Variants in RHEB observed in about 807,000 individuals in gnomAD.
RHEB encodes Ras homolog, mTORC1 binding, also known as GTP-binding protein Rheb.
Under a neutral mutation model 28.8 loss-of-function variants are expected in RHEB, and 2 were observed. The observed-to-expected ratio is 0.07, with a 90% confidence interval of 0.03 to 0.22. The LOEUF (loss-of-function observed/expected upper bound fraction) is 0.22. RHEB is among the 10% of genes least tolerant of loss of function. The probability of loss-of-function intolerance (pLI) is 1.00; values close to 1 mark genes in which losing one functional copy is unlikely to be tolerated. For missense variants in RHEB, 76 were observed against 219.9 expected (o/e 0.35, Z 4.14); for synonymous variants, 69 against 77.3 (o/e 0.89, Z 0.56).
intron 3 of RHEB, among the ~76,000 whole-genome samples, chr7:151,481,392 AC>A (rs147620763): frequency 6.6e-6 from 1 of 152,304 alleles, no homozygotes; most frequent in East Asian, 1.9e-4. Context: ...GTGCAATTTC[AC>A]TCCTGAAATG....
chr7:151,467,206 A>G lies in RHEB; in HGVS notation c.468T>C (p.Ala156=). The stretch of plus-strand genomic sequence containing the variant: ...AAATTATCCTTCGAAAAACATCCAC[A>G]GCAGTCTGAAAAGAGAAAGAAACCC... ...LESSAKENQT[A]VDVFRRIILE... is the part of the protein sequence containing the mutation. The change falls in exon 8 of 8, where the codon GCT becomes GCC. Residue 156 remains alanine (A), a synonymous_variant. Transcript: ENST00000262187. 3 of 1,611,082 alleles carry G rather than the reference A, an allele frequency of 1.9e-6. No homozygotes were observed. The highest frequency in any genetic ancestry group is 1.7e-6 in the Non-Finnish European group (2 of 1,177,282).
chr7:151,469,473 C>A (rs776376167), intron 7 of RHEB, among the ~76,000 whole-genome samples: 1 of 151,760 alleles, frequency 6.6e-6, no homozygotes, highest in African/African-American at 2.4e-5. Flanking sequence ...CGGAGAGGGG[C>A]GGGGCAGGGA....
chr7:151,467,242 T>A (rs773101365), intron 7 of RHEB, 31 bp from the exon 8 acceptor site: 9 of 1,494,778 alleles, frequency 6.0e-6, no homozygotes, highest in East Asian at 2.3e-5. Flanking sequence ...AATCACAGTG[T>A]TAGTGTGAAG....
intron 1 of RHEB, among the ~76,000 whole-genome samples, chr7:151,507,377 T>C (rs1802903213): frequency 6.6e-6 from 1 of 150,906 alleles, no homozygotes; most frequent in African/African-American, 2.4e-5. Flanking sequence ...GTATTGTGTG[T>C]GTCTATGTAT....
At position 151,492,385 on chromosome 7, in the gene RHEB, C is replaced by T. The variant is rs149487108; in HGVS notation, c.53-1371G>A. Among the ~76,000 whole-genome samples, 6 of 152,084 alleles carry T rather than the reference C, an allele frequency of 3.9e-5. No individual in the cohort carries two copies. In the South Asian group the frequency reaches 6.2e-4, roughly 16 times the overall value. Reference sequence around the variant, plus strand: ...ATTCCAGCACTTTGGGAGGCTGAAGCGGGTGGATCACCTGAGGTCTGGAGT... The same window carrying T: ...ATTCCAGCACTTTGGGAGGCTGAAGTGGGTGGATCACCTGAGGTCTGGAGT... On this transcript the variant is annotated intron_variant, in intron 1 of 7. Transcript: ENST00000262187.
At chr7:151,467,605 A>G (rs1248737266) in intron 7 of RHEB, among the ~76,000 whole-genome samples, 1 of 152,112 alleles carries the variant, frequency 6.6e-6, no homozygotes, top group Non-Finnish European at 1.5e-5. Context: ...CTCTCCCAGC[A>G]GCCCTTGCCT....
chr7:151,474,091 G>A (rs1802220121), intron 4 of RHEB, among the ~76,000 whole-genome samples: 1 of 152,200 alleles, frequency 6.6e-6, no homozygotes, highest in African/African-American at 2.4e-5. Context: ...TTCACAAGAT[G>A]AGTGACTGAA....
chr7:151,492,241 T>C (rs1802595814), intron 1 of RHEB, among the ~76,000 whole-genome samples: 2 of 152,218 alleles, frequency 1.3e-5, no homozygotes, highest in South Asian at 4.1e-4. Flanking sequence ...TCCTCCAAAC[T>C]ATGGATAGGT....
intron 1 of RHEB, chr7:151,503,238 C>G (rs901666471): frequency 6.4e-6 from 5 of 782,798 alleles, no homozygotes; most frequent in South Asian, 1.3e-5. Context: ...ACAAAGAGAC[C>G]GGACAGGAAC....
intron 1 of RHEB, among the ~76,000 whole-genome samples, chr7:151,513,941 A>T (rs1214832604): frequency 1.3e-5 from 2 of 152,216 alleles, no homozygotes; most frequent in Non-Finnish European, 2.9e-5. Context: ...GGGACTGAGA[A>T]TACCCAAAAA....
At chr7:151,478,833 C>T (rs1802322085) in intron 3 of RHEB, among the ~76,000 whole-genome samples, 1 of 152,154 alleles carries the variant, frequency 6.6e-6, no homozygotes, top group Admixed American at 6.5e-5. Flanking sequence ...CAGGATTTTA[C>T]CACGTTGGCC....
At chr7:151,516,035 A>G (rs924925067) in intron 1 of RHEB, among the ~76,000 whole-genome samples, 7 of 128,214 alleles carry the variant, frequency 5.5e-5, no homozygotes, top group Non-Finnish European at 1.1e-4. Flanking sequence ...TTTACGTAAC[A>G]CTACCATTTT....
chr7:151,469,512 G>A (rs1563090404), intron 7 of RHEB, among the ~76,000 whole-genome samples: 1 of 124,928 alleles, frequency 8.0e-6, no homozygotes, highest in Middle Eastern at 4.3e-3. Flanking sequence ...GCTGGCGCCC[G>A]GCCCTCCCAG....
chr7:151,514,897 G>A (rs1803048261), intron 1 of RHEB, among the ~76,000 whole-genome samples: 1 of 151,916 alleles, frequency 6.6e-6, no homozygotes, highest in South Asian at 2.1e-4. Context: ...AAACTAGCTG[G>A]GTGTGATGGC....
At chr7:151,515,233 C>T (rs549683329) in intron 1 of RHEB, among the ~76,000 whole-genome samples, 8 of 152,146 alleles carry the variant, frequency 5.3e-5, no homozygotes, top group Admixed American at 4.6e-4. Flanking sequence ...AAGTAAAAGA[C>T]GCCAGCCCCA....
chr7:151,488,455 AC>A (rs747199547), intron 2 of RHEB, among the ~76,000 whole-genome samples: 12 of 152,278 alleles, frequency 7.9e-5, no homozygotes, highest in Non-Finnish European at 1.2e-4. Context: ...AAATCATGAA[AC>A]CACCCACTTA....
intron 1 of RHEB, chr7:151,502,369 T>C: frequency 1.2e-6 from 1 of 819,132 alleles, no homozygotes; most frequent in Non-Finnish European, 2.2e-6. Context: ...CATCTAACAT[T>C]AAGGCAGGAG....
intron 1 of RHEB, among the ~76,000 whole-genome samples, chr7:151,511,838 A>T (rs1351249832): frequency 6.6e-6 from 1 of 152,060 alleles, no homozygotes; most frequent in Non-Finnish European, 1.5e-5. Context: ...TTTAGTAGAG[A>T]CAGGGTTTCG....
chr7:151,508,413 G>C (rs567746189), intron 1 of RHEB, among the ~76,000 whole-genome samples: 1 of 152,200 alleles, frequency 6.6e-6, no homozygotes, highest in Non-Finnish European at 1.5e-5. Context: ...ATGGCAGCCA[G>C]TAGCCATACA....
Sources: gnomAD v4.1 joint callset for allele counts (sites outside exome capture counted in the v4.1 genomes callset) on GRCh38, gnomAD v4.1.1 for gene constraint, MANE v1.5 for transcripts, NCBI Gene and HGNC (gene_info 2026-07-23, HGNC 2026-07-21) for gene names.